The following CDK11B variants were observed in gnomAD, a reference collection of about 807,000 sequenced individuals.
CDK11B encodes the protein cyclin-dependent kinase 11B.
In CDK11B, 37 loss-of-function variants were observed where a neutral mutation model predicts 84.0. The ratio of observed to expected loss-of-function variants is 0.44; its 90% confidence interval spans 0.34 to 0.58. The LOEUF (loss-of-function observed/expected upper bound fraction) is 0.58. Ranked by LOEUF, CDK11B falls within the 20% of genes least tolerant of loss-of-function variation. The pLI is 0.02. For missense variants in CDK11B, 427 were observed against 834.0 expected (o/e 0.51, Z 6.01); for synonymous variants, 269 against 309.8 (o/e 0.87, Z 1.38).
intron 5 of CDK11B, chr1:1,646,990 C>A (rs760481954): frequency 1.9e-6 from 1 of 518,500 alleles, no homozygotes. Flanking sequence ...CTAGTTCAAA[C>A]TTCCTGTGCT....
chr1:1,654,807 T>C (rs1030756847), intron 3 of CDK11B, among the ~76,000 whole-genome samples: 15 of 151,880 alleles, frequency 9.9e-5, no homozygotes, highest in South Asian at 2.1e-4. Context: ...TAAAGGCGCC[T>C]GCCACCACGC....
rs1486423948 is a variant in CDK11B at position 1,635,682 on chromosome 1, G to A, written c.*82C>T. On this transcript the variant is annotated 3_prime_UTR_variant, in exon 20 of 20. Coordinates refer to ENST00000341832, the MANE Select transcript of CDK11B (RefSeq NM_033486.3). ...AGCACAAAGTAAGACGAGGAGTTCC[G>A]AGTCTCATCGCAGCTCCAGCCGCAG... 13 of 241,128 alleles carry A rather than the reference G, an allele frequency of 5.4e-5. No homozygotes were observed. The Admixed American group carries it at 7.2e-4, about 13-fold the overall frequency. The allele number at this position is 241,128 out of a possible 1,614,324, so 14.9% of individuals were successfully genotyped here. A position where few individuals can be genotyped will look rare whatever the true frequency, so the allele number is the denominator to read the frequency against.
Position 1,658,974 on chromosome 1 carries a change from G to T in CDK11B, c.-74C>A. Reference sequence around the variant, plus strand: ...CGGTCCCGGAGCCAGAGAAGAAACAGCAACCGGCGCGCGCCAAAAGTATCG... The same window carrying T: ...CGGTCCCGGAGCCAGAGAAGAAACATCAACCGGCGCGCGCCAAAAGTATCG... On this transcript the variant is annotated 5_prime_UTR_variant, in exon 1 of 20. In the 5' UTR this introduces an upstream ATG that the reference lacks. Transcript: ENST00000341832. The T allele has an allele frequency of 5.0e-6, 1 of 198,822 alleles. No individual in the cohort carries two copies. The highest frequency in any genetic ancestry group is 1.0e-5 in the Non-Finnish European group (1 of 97,470). The allele number at this position is 198,822 out of a possible 1,614,324, so 12.3% of individuals were successfully genotyped here. A position where few individuals can be genotyped will look rare whatever the true frequency, so the allele number is the denominator to read the frequency against.
At position 1,638,605 on chromosome 1, in the gene CDK11B, C is replaced by G. The variant is rs1217624557; in HGVS notation, c.1252-15G>C. 1 of 1,047,024 alleles carries G rather than the reference C, an allele frequency of 9.6e-7. No homozygotes were observed. Among genetic ancestry groups the G allele is most frequent in the Admixed American group, 1.9e-5 (1 of 53,750 alleles). 64.9% of individuals were successfully genotyped at this position (1,047,024 alleles called of 1,614,324 possible). A position where few individuals can be genotyped will look rare whatever the true frequency, so the allele number is the denominator to read the frequency against. On this transcript the variant is annotated splice_polypyrimidine_tract_variant and intron_variant, in intron 11 of 19. Coordinates refer to ENST00000341832, the MANE Select transcript of CDK11B (RefSeq NM_033486.3). The stretch of plus-strand genomic sequence containing the variant: ...CTCCGGCAGCCCTGGGAAGGAAGCG[C>G]CTGTGTGAGGTCTCAGTGGCCATGC...
intron 4 of CDK11B, among the ~76,000 whole-genome samples, chr1:1,651,087 C>G (rs1354572324): frequency 3.9e-5 from 6 of 152,184 alleles, no homozygotes; most frequent in Admixed American, 2.6e-4. Flanking sequence ...ATAATCATGA[C>G]ATTTCAATCG....
rs1410453175 is a variant in CDK11B, at chr1:1,658,974, GC to G, written c.-75del. On this transcript the variant is annotated 5_prime_UTR_variant, in exon 1 of 20. Coordinates refer to ENST00000341832, the MANE Select transcript of CDK11B (RefSeq NM_033486.3). ...CGGTCCCGGAGCCAGAGAAGAAACA[GC>G]AACCGGCGCGCGCCAAAAGTATCGT... 4 of 198,704 alleles carry G rather than the reference GC, an allele frequency of 2.0e-5. No individual in the cohort carries two copies. The highest frequency in any genetic ancestry group is 3.1e-5 in the Non-Finnish European group (3 of 97,478). The allele number at this position is 198,704 out of a possible 1,614,324, so 12.3% of individuals were successfully genotyped here.
chr1:1,653,509 C>T (rs1263892071), intron 3 of CDK11B, among the ~76,000 whole-genome samples: 4 of 151,668 alleles, frequency 2.6e-5, no homozygotes, highest in African/African-American at 7.3e-5. Flanking sequence ...GTAGTAGAGA[C>T]GGGCTTTCAC....
chr1:1,644,972 G>A (rs1428395052), intron 6 of CDK11B, among the ~76,000 whole-genome samples, 154 bp downstream of exon 6: 1 of 142,790 alleles, frequency 7.0e-6, no homozygotes, highest in Non-Finnish European at 1.5e-5. Context: ...CAGCCTGGGG[G>A]ACAAGAGCAA....
chr1:1,650,736 G>A (rs1312529954), intron 4 of CDK11B, among the ~76,000 whole-genome samples: 5 of 146,820 alleles, frequency 3.4e-5, no homozygotes, highest in South Asian at 2.2e-4. Flanking sequence ...TTGAACTCCC[G>A]GACTCAATTG....
chr1:1,653,856 A>ACACC (rs1642361006), intron 3 of CDK11B, among the ~76,000 whole-genome samples: 1 of 150,410 alleles, frequency 6.6e-6, no homozygotes, highest in South Asian at 2.2e-4. Context: ...ACACACACAC[A>ACACC]CACACACCCG....
intron 9 of CDK11B, 44 bp from the exon 10 acceptor site, chr1:1,641,157 A>G (rs1388705786): frequency 6.7e-7 from 1 of 1,490,558 alleles, no homozygotes; most frequent in African/African-American, 1.4e-5. Flanking sequence ...CACCGGGGCG[A>G]GTGCTGCCAC....
Position 1,636,485 on chromosome 1 carries a change from A to C in CDK11B, c.1918-4T>G, listed in dbSNP as rs775730117. On this transcript the variant is annotated splice_region_variant and splice_polypyrimidine_tract_variant and intron_variant, in intron 17 of 19. Transcript: ENST00000341832. ...TCTCACTAGGGGTCCCCAGATCCTG[A>C]AAGACAGAGGTGCTTCAACAGCCAC... 5 of 1,610,572 alleles carry C rather than the reference A, an allele frequency of 3.1e-6. No individual in the cohort carries two copies. In the African/African-American group the frequency reaches 5.3e-5, roughly 17 times the overall value.
At chr1:1,649,201 G>A (rs1290744459) in intron 5 of CDK11B, among the ~76,000 whole-genome samples, 2 of 152,054 alleles carry the variant, frequency 1.3e-5, no homozygotes, top group Admixed American at 1.3e-4. Flanking sequence ...CCGGGTTCAC[G>A]CCATTCTCCT....
At chr1:1,638,712 C>T (rs1283011117) in intron 11 of CDK11B, 122 bp from the exon 12 acceptor site, 3 of 1,037,076 alleles carry the variant, frequency 2.9e-6, no homozygotes, top group East Asian at 5.0e-5. Flanking sequence ...TGGGACTGGG[C>T]CGGGGGTGGA....
At chr1:1,653,492 TG>T (rs1642284677) in intron 3 of CDK11B, among the ~76,000 whole-genome samples, 1 of 151,888 alleles carries the variant, frequency 6.6e-6, no homozygotes, top group Admixed American at 6.6e-5. Context: ...GGCTAATTTT[TG>T]TATTTGTAGT....
At position 1,635,581 on chromosome 1, in the gene CDK11B, C is replaced by T; in HGVS notation, c.*183G>A. 2.1e-6 allele frequency: 1 copy of T among 486,884 alleles called. No individual in the cohort carries two copies. Among genetic ancestry groups the T allele is most frequent in the Non-Finnish European group, 3.5e-6 (1 of 285,624 alleles). 30.2% of individuals were successfully genotyped at this position (486,884 alleles called of 1,614,324 possible). A position where few individuals can be genotyped will look rare whatever the true frequency, so the allele number is the denominator to read the frequency against. On this transcript the variant is annotated 3_prime_UTR_variant, in exon 20 of 20. Transcript: ENST00000341832. ...CCCTGGGCAAGTCACGGAGAAAACACAGCTCTTTCCTCCACAACAAGGAAA... is the reference window on the plus strand; with the variant it reads ...CCCTGGGCAAGTCACGGAGAAAACATAGCTCTTTCCTCCACAACAAGGAAA...
Position 1,649,624 on chromosome 1 carries a change from T to C in CDK11B, c.369A>G (p.Arg123=). Reference sequence around the variant, plus strand: ...CGTGCTCTCTTTCTTTTTCTTTCACTCTAGCATGCTTCCCTAATGAGAAAT... The same window carrying C: ...CGTGCTCTCTTTCTTTTTCTTTCACCCTAGCATGCTTCCCTAATGAGAAAT... ...SHSAEGGKHA[R]VKEKEREHER... is the part of the protein sequence containing the mutation. The change falls in exon 5 of 20, where the codon AGA becomes AGG. Residue 123 remains arginine (R), a synonymous_variant. Transcript: ENST00000341832. The C allele has an allele frequency of 6.2e-7, 1 of 1,610,722 alleles. No homozygotes were observed. The highest frequency in any genetic ancestry group is 1.1e-5 in the South Asian group (1 of 91,028).
intron 4 of CDK11B, among the ~76,000 whole-genome samples, chr1:1,651,739 A>G (rs1273440616): frequency 2.7e-5 from 4 of 150,180 alleles, no homozygotes; most frequent in Non-Finnish European, 5.9e-5. Flanking sequence ...GCTTTCAGAT[A>G]GAGTATTCTC....
intron 5 of CDK11B, 58 bp downstream of exon 5, chr1:1,649,441 G>A (rs1570172456): frequency 1.2e-5 from 15 of 1,274,788 alleles, no homozygotes; most frequent in East Asian, 2.3e-5. Flanking sequence ...TCATTTCTAG[G>A]ATGGGACACA....
Sources: allele counts gnomAD v4.1 joint callset (sites outside exome capture counted in the v4.1 genomes callset), GRCh38; gene constraint gnomAD v4.1.1; transcripts MANE v1.5; gene names NCBI Gene and HGNC (gene_info 2026-07-23, HGNC 2026-07-21).